KIF26B: variants seen among roughly 807,000 people sequenced by gnomAD.
KIF26B encodes kinesin family member 26B.
A neutral mutation model predicts 151.2 loss-of-function variants in KIF26B; 63 were observed. That is an observed-to-expected ratio of 0.42 (90% CI 0.34 to 0.51). KIF26B has a LOEUF of 0.51. Among genes scored for constraint, KIF26B ranks in the 20% least tolerant of loss-of-function variants. KIF26B has a pLI of 0.07. For synonymous variants in KIF26B, 1,357 were observed against 1,262.1 expected, an observed-to-expected ratio of 1.08 and a Z score of -1.59; for missense variants, 2,813 against 2,913.6, an observed-to-expected ratio of 0.97 and a Z score of 0.79.
chr1:245,692,786 A>G (rs1438345422), intron 12 of KIF26B, among the ~76,000 whole-genome samples: 1 of 152,206 alleles, frequency 6.6e-6, no homozygotes, highest in Non-Finnish European at 1.5e-5. Context: ...TGATAAGGTG[A>G]GAGAAATGAT....
At chr1:245,634,006 G>T (rs1451846816) in intron 9 of KIF26B, among the ~76,000 whole-genome samples, 11 of 152,102 alleles carry the variant, frequency 7.2e-5, no homozygotes, top group African/African-American at 2.4e-4. Flanking sequence ...TAGAGATGGG[G>T]TCTCACTATG....
At position 245,687,148 on chromosome 1, in the gene KIF26B, A is replaced by G; in HGVS notation, c.4165A>G (p.Thr1389Ala). ...CTGCGAGGGGTACATCCCCATGAAG[A>G]CCAATATCACAGTTTACCCCTGCAT... ...SSCEGYIPMK[T>A]NITVYPCIAM... The change falls in exon 12 of 15, where the codon ACC becomes GCC. Residue 1389 changes from threonine to alanine, a missense_variant. Around this residue, in one of 3 missense-constraint regions of KIF26B, gnomAD observed 2,060 missense variants for 2,088.6 expected, o/e 0.99. Coordinates refer to ENST00000407071, the MANE Select transcript of KIF26B (RefSeq NM_018012.4). This position sits in a 1 kb window ranked among gnomAD's most constrained non-coding sequence, Gnocchi z 4.9. 6.2e-7 allele frequency: 1 copy of G among 1,613,224 alleles called. No individual in the cohort carries two copies. The highest frequency in any genetic ancestry group is 8.5e-7 in the Non-Finnish European group (1 of 1,179,798).
At chr1:245,385,456 T>G (rs895368085) in intron 3 of KIF26B, among the ~76,000 whole-genome samples, 1 of 152,244 alleles carries the variant, frequency 6.6e-6, no homozygotes, top group African/African-American at 2.4e-5. Flanking sequence ...AAACACATCA[T>G]GCTTAGAACC....
chr1:245,425,931 T>C (rs1658638603), intron 4 of KIF26B, among the ~76,000 whole-genome samples: 1 of 152,198 alleles, frequency 6.6e-6, no homozygotes, highest in Non-Finnish European at 1.5e-5. Context: ...GTGTTCAGCT[T>C]TTATGTTTAG....
At position 245,551,487 on chromosome 1, in the gene KIF26B, C is replaced by T. The variant is rs549170955; in HGVS notation, c.1350+10537C>T. Among the ~76,000 whole-genome samples, 16 of 152,204 alleles carry T rather than the reference C, an allele frequency of 1.1e-4. No homozygotes were observed. The South Asian group carries it at 2.1e-3, about 20-fold the overall frequency. ...CCATGGAAAGCTAATCATAGGAAAT[C>T]GGAAAAACAGAGAGCAGGGTTTGTA... On this transcript the variant is annotated intron_variant, in intron 5 of 14. Coordinates refer to ENST00000407071, the MANE Select transcript of KIF26B (RefSeq NM_018012.4).
At chr1:245,584,292 C>T (rs900764975) in intron 5 of KIF26B, among the ~76,000 whole-genome samples, 7 of 152,218 alleles carry the variant, frequency 4.6e-5, no homozygotes, top group Non-Finnish European at 8.8e-5. Flanking sequence ...CAGTGTCATG[C>T]ATACACAGCC....
intron 2 of KIF26B, among the ~76,000 whole-genome samples, chr1:245,180,779 G>A (rs1668892608): frequency 6.6e-6 from 1 of 152,168 alleles, no homozygotes; most frequent in African/African-American, 2.4e-5. Flanking sequence ...TCATACACTT[G>A]TTCGTGACCA....
At chr1:245,409,759 C>A (rs1674229830) in intron 3 of KIF26B, among the ~76,000 whole-genome samples, 1 of 152,172 alleles carries the variant, frequency 6.6e-6, no homozygotes, top group Admixed American at 6.5e-5. Flanking sequence ...GTTTATCTGT[C>A]TGACTCAAGG....
rs1668406120 is a variant in KIF26B, at chr1:245,155,221, C to T, written c.-204C>T. 5.0e-6 allele frequency: 3 copies of T among 596,426 alleles called. No individual in the cohort carries two copies. Among genetic ancestry groups the T allele is most frequent in the Non-Finnish European group, 5.8e-6 (2 of 342,162 alleles). The allele number at this position is 596,426 out of a possible 1,614,324, so 36.9% of individuals were successfully genotyped here. A position where few individuals can be genotyped will look rare whatever the true frequency, so the allele number is the denominator to read the frequency against. On this transcript the variant is annotated 5_prime_UTR_variant, in exon 1 of 15. Transcript: ENST00000407071. ...GCATGCTTTGAAGAGAAGAATAAACCAGCGACCCCAACCCTTTCTGCAAAT... is the reference window on the plus strand; with the variant it reads ...GCATGCTTTGAAGAGAAGAATAAACTAGCGACCCCAACCCTTTCTGCAAAT...
intron 10 of KIF26B, among the ~76,000 whole-genome samples, chr1:245,675,389 C>T (rs1428662853): frequency 6.6e-6 from 1 of 152,172 alleles, no homozygotes; most frequent in East Asian, 1.9e-4. Context: ...CTCTTGCAAC[C>T]AGCTTGGACC....
At chr1:245,237,937 G>A (rs1413376272) in intron 2 of KIF26B, among the ~76,000 whole-genome samples, 1 of 151,674 alleles carries the variant, frequency 6.6e-6, no homozygotes, top group Non-Finnish European at 1.5e-5. Flanking sequence ...GAGATGGGAG[G>A]ATCACTTGAG....
At position 245,554,858 on chromosome 1, in the gene KIF26B, G is replaced by C. The variant is rs538753677; in HGVS notation, c.1350+13908G>C. Among the ~76,000 whole-genome samples, 97 of 152,274 alleles carry C rather than the reference G, an allele frequency of 6.4e-4. 1 individual carries two copies. The South Asian group carries it at 0.019, about 30-fold the overall frequency. On this transcript the variant is annotated intron_variant, in intron 5 of 14. Transcript: ENST00000407071. The stretch of plus-strand genomic sequence containing the variant: ...TGAATCACAATGGCATATGTAAAAC[G>C]TGTGCTCATACAGACCCCTCTCCAA...
chr1:245,602,691 T>C lies in KIF26B; in HGVS notation c.1465T>C (p.Cys489Arg). 6.2e-7 allele frequency: 1 copy of C among 1,614,036 alleles called. No individual in the cohort carries two copies. Among genetic ancestry groups the C allele is most frequent in the Non-Finnish European group, 8.5e-7 (1 of 1,179,880 alleles). ...GATCACCTTGTACGATCCCCTGACT[T>C]GTGGAGGTCAAAATGCCTTCCAAAA... Reference protein sequence around the residue: ...KQITLYDPLTCGGQNAFQKRG... With the variant: ...KQITLYDPLTRGGQNAFQKRG... Residue 489 changes from cysteine (C) to arginine (R), a missense_variant, in exon 6 of 15, where the codon TGT (cysteine) becomes CGT (arginine). By Grantham distance (180) the Cys-to-Arg change is radical (BLOSUM62 -3). This residue lies in a region of KIF26B where 676 missense variants were observed against 688.1 expected (regional missense o/e 0.98). Transcript: ENST00000407071. This position sits in a 1 kb window ranked among gnomAD's most constrained non-coding sequence, Gnocchi z 4.5.
intron 4 of KIF26B, among the ~76,000 whole-genome samples, chr1:245,502,759 T>C (rs1004185953): frequency 3.3e-5 from 5 of 151,902 alleles, no homozygotes; most frequent in African/African-American, 1.2e-4. Context: ...CATAAAATGG[T>C]AGGAGGGTTA....
chr1:245,646,638 C>T (rs2043950705), intron 10 of KIF26B, among the ~76,000 whole-genome samples: 1 of 152,070 alleles, frequency 6.6e-6, no homozygotes, highest in Non-Finnish European at 1.5e-5. Context: ...CTGGCTTATC[C>T]TTAGGGGTAG....
chr1:245,510,936 T>A, intron 4 of KIF26B: 2 of 620,484 alleles, frequency 3.2e-6, no homozygotes, highest in East Asian at 5.5e-5. Context: ...CTGAGAGTTC[T>A]CAGACCCCCA....
chr1:245,322,041 A>G (rs1020896547), intron 2 of KIF26B, among the ~76,000 whole-genome samples: 4 of 152,384 alleles, frequency 2.6e-5, no homozygotes, highest in Admixed American at 1.3e-4. Flanking sequence ...CTATGCAGCC[A>G]TAGAAAAGAA....
intron 4 of KIF26B, among the ~76,000 whole-genome samples, chr1:245,453,812 A>T (rs1026409239): frequency 6.6e-6 from 1 of 152,246 alleles, no homozygotes; most frequent in East Asian, 1.9e-4. Context: ...AGTTGAAAGA[A>T]TTATGATCAT....
At chr1:245,299,320 G>GT (rs55957858) in intron 2 of KIF26B, among the ~76,000 whole-genome samples, 3,643 of 103,028 alleles carry the variant, frequency 0.035, 146 homozygotes, top group African/African-American at 0.1. Context: ...CCAATTCTGG[G>GT]TTTTTTTTTT....
Sources: allele counts gnomAD v4.1 joint callset (sites outside exome capture counted in the v4.1 genomes callset), GRCh38; gene constraint gnomAD v4.1.1; regional missense constraint gnomAD v4.1.1; non-coding constraint Gnocchi (gnomAD v3.1); transcripts MANE v1.5; gene names NCBI Gene and HGNC (gene_info 2026-07-23, HGNC 2026-07-21).